LHX4: variants seen among roughly 807,000 people sequenced by gnomAD.
LHX4 encodes the protein LIM homeobox 4, also known as LIM/homeobox protein Lhx4.
Under a neutral mutation model 39.2 loss-of-function variants are expected in LHX4, and 16 were observed. The observed-to-expected ratio is 0.41, with a 90% CI of 0.28 to 0.62. The LOEUF is 0.62. Ranked by LOEUF, LHX4 falls within the 20% of genes least tolerant of loss-of-function variation. The probability of loss-of-function intolerance (pLI) is 0.33; values close to 1 mark genes in which losing one functional copy is unlikely to be tolerated. For synonymous variants in LHX4, 206 were observed against 198.1 expected, an observed-to-expected ratio of 1.04 and a Z score of -0.33; for missense variants, 439 against 511.9, an observed-to-expected ratio of 0.86 and a Z score of 1.37.
chr1:180,246,285 T>G (rs970902952), intron 1 of LHX4, among the ~76,000 whole-genome samples: 1 of 152,238 alleles, frequency 6.6e-6, no homozygotes, highest in Non-Finnish European at 1.5e-5. Context: ...TACAAACGTC[T>G]TAATAGTCAA....
At position 180,274,601 on chromosome 1, in the gene LHX4, C is replaced by T. The variant is rs752621836; in HGVS notation, c.*22C>T. The T allele has an allele frequency of 3.9e-6, 6 of 1,539,654 alleles. No homozygotes were observed. The highest frequency in any genetic ancestry group is 1.4e-5 in the African/African-American group (1 of 73,576). On this transcript the variant is annotated 3_prime_UTR_variant, in exon 6 of 6. Coordinates refer to ENST00000263726, the MANE Select transcript of LHX4 (RefSeq NM_033343.4). Reference sequence around the variant, plus strand: ...TTAAACTTCTCTCCTCCCCACCCTACCTGCCCCCCTGGCTTGAGAGAATAT... The same window carrying T: ...TTAAACTTCTCTCCTCCCCACCCTATCTGCCCCCCTGGCTTGAGAGAATAT...
rs946567999 is a variant in LHX4, at chr1:180,234,943, C to G, written c.76+4338C>G. 3.9e-5 allele frequency among the ~76,000 whole-genome samples: 6 copies of G among 152,202 alleles called. No individual in the cohort carries two copies. The highest frequency in any genetic ancestry group is 2.0e-4 in the Admixed American group (3 of 15,290). On this transcript the variant is annotated intron_variant, in intron 1 of 5. Transcript: ENST00000263726. This position sits in a 1 kb window ranked among gnomAD's most constrained non-coding sequence, Gnocchi z 4.8. ...CGGCCTGGGTGGCCCGGGGAACAGA[C>G]GATGAATTCTTTAAATGAGCGTTTG...
At chr1:180,240,361 A>T (rs1664419040) in intron 1 of LHX4, among the ~76,000 whole-genome samples, 1 of 152,190 alleles carries the variant, frequency 6.6e-6, no homozygotes, top group South Asian at 2.1e-4. Context: ...ACAAAGTTTT[A>T]AAAATATTTA....
intron 2 of LHX4, among the ~76,000 whole-genome samples, chr1:180,256,432 C>A (rs1371508901): frequency 6.6e-6 from 1 of 152,226 alleles, no homozygotes; most frequent in Non-Finnish European, 1.5e-5. Flanking sequence ...AGCTTCTCCA[C>A]AGGGCTGGTC....
At chr1:180,261,075 A>G (rs1016173561) in intron 2 of LHX4, among the ~76,000 whole-genome samples, 6 of 151,738 alleles carry the variant, frequency 4.0e-5, no homozygotes, top group Non-Finnish European at 5.9e-5. Flanking sequence ...CCTCATTTCA[A>G]CCCGGGACTT....
At chr1:180,233,806 C>A (rs1664236780) in intron 1 of LHX4, among the ~76,000 whole-genome samples, 1 of 152,096 alleles carries the variant, frequency 6.6e-6, no homozygotes, top group Non-Finnish European at 1.5e-5. Flanking sequence ...GAATGCAGGC[C>A]TGGGGGTCTC....
Position 180,271,379 on chromosome 1 carries a change from G to C in LHX4, c.452-1G>C. ...CAGTAAGCAGTGGTTTTTCCTTGCA[G>C]ATGACTCAGAGGCTGGAGCTAAGCG... is the stretch of plus-strand genomic sequence containing the variant. On this transcript the variant is annotated splice_acceptor_variant, in intron 3 of 5. Coordinates refer to ENST00000263726, the MANE Select transcript of LHX4 (RefSeq NM_033343.4). LOFTEE classifies it high-confidence loss of function. 1 of 1,614,202 alleles carries C rather than the reference G, an allele frequency of 6.2e-7. No individual in the cohort carries two copies. The highest frequency in any genetic ancestry group is 1.1e-5 in the South Asian group (1 of 91,082).
chr1:180,240,697 T>C (rs1430616842), intron 1 of LHX4, among the ~76,000 whole-genome samples: 1 of 152,194 alleles, frequency 6.6e-6, no homozygotes, highest in African/African-American at 2.4e-5. Flanking sequence ...GCATGATATT[T>C]ATTATCTCTC....
rs145500874 is a variant in LHX4, at chr1:180,271,406, C to A, written c.478C>A (p.Pro160Thr). 1 of 1,614,126 alleles carries A rather than the reference C, an allele frequency of 6.2e-7. No individual in the cohort carries two copies. The highest frequency in any genetic ancestry group is 2.2e-5 in the East Asian group (1 of 44,868). ...NDDSEAGAKR[P>T]RTTITAKQLE... ...TGACTCAGAGGCTGGAGCTAAGCGG[C>A]CCCGGACCACCATCACAGCCAAGCA... Residue 160 changes from proline to threonine, a missense_variant, in exon 4 of 6, where the codon CCC (proline) becomes ACC (threonine). Transcript: ENST00000263726.
upstream of LHX4, chr1:180,230,180 A>C: frequency 2.6e-6 from 1 of 382,354 alleles, no homozygotes; most frequent in South Asian, 2.4e-5. This position sits in a 1 kb window ranked among gnomAD's most constrained non-coding sequence, Gnocchi z 5.8. Flanking sequence ...CGCCCGGGTG[A>C]CCGCGGCCTC....
At chr1:180,252,813 C>A (rs927720851) in intron 2 of LHX4, among the ~76,000 whole-genome samples, 3 of 152,184 alleles carry the variant, frequency 2.0e-5, no homozygotes, top group Admixed American at 6.5e-5. Context: ...TAACTGGCAG[C>A]AGGGGGCGAT....
intron 1 of LHX4, among the ~76,000 whole-genome samples, chr1:180,237,825 T>C (rs1180623868): frequency 6.6e-6 from 1 of 152,202 alleles, no homozygotes; most frequent in Non-Finnish European, 1.5e-5. Context: ...AGTTTCTTGC[T>C]ATGAGGGAAA....
chr1:180,264,311 G>A (rs575737020), intron 2 of LHX4, among the ~76,000 whole-genome samples: 1 of 151,906 alleles, frequency 6.6e-6, no homozygotes, highest in African/African-American at 2.4e-5. Flanking sequence ...TAAATATACA[G>A]GCCTTTTGAA....
chr1:180,255,515 C>T (rs1647815742), intron 2 of LHX4, among the ~76,000 whole-genome samples: 1 of 152,244 alleles, frequency 6.6e-6, no homozygotes, highest in Non-Finnish European at 1.5e-5. Flanking sequence ...GTCTAATTTC[C>T]TCGCTAAGCA....
At chr1:180,273,053 C>T (rs554762359) in intron 5 of LHX4, 1 of 152,230 alleles carries the variant, frequency 6.6e-6, no homozygotes, top group South Asian at 2.1e-4. Context: ...ATGAGCTCCC[C>T]CCACCATGTT....
chr1:180,259,481 C>T (rs538516039), intron 2 of LHX4, among the ~76,000 whole-genome samples: 13 of 151,722 alleles, frequency 8.6e-5, no homozygotes, highest in Admixed American at 5.9e-4. Flanking sequence ...GCTGGGGCCC[C>T]GGGTGTGCGA....
chr1:180,248,094 T>A (rs970151522), intron 1 of LHX4, among the ~76,000 whole-genome samples, 191 bp from the exon 2 acceptor site: 10 of 152,212 alleles, frequency 6.6e-5, no homozygotes, highest in African/African-American at 2.4e-4. Flanking sequence ...TGGCTTTCAG[T>A]CCCCACTTGT....
In LHX4 at chr1:180,266,353, C is replaced by A. The variant is rs779102719; in HGVS notation, c.249-39C>A. ...AAGTTGGGGGAAGCCAGATCCCTTGCTCCCTGTGTGCCCTAATCCTTTCCT... is the reference window on the plus strand; with the variant it reads ...AAGTTGGGGGAAGCCAGATCCCTTGATCCCTGTGTGCCCTAATCCTTTCCT... On this transcript the variant is annotated intron_variant, in intron 2 of 5. Transcript: ENST00000263726. This position sits in a 1 kb window ranked among gnomAD's most constrained non-coding sequence, Gnocchi z 5.7. The A allele has an allele frequency of 1.9e-6, 3 of 1,607,458 alleles. No homozygotes were observed. The Admixed American group carries it at 5.0e-5, about 27-fold the overall frequency.
chr1:180,230,032 C>T (rs1664135240), upstream of LHX4, among the ~76,000 whole-genome samples: 1 of 151,002 alleles, frequency 6.6e-6, no homozygotes, highest in Non-Finnish European at 1.5e-5. The surrounding 1 kb of genome is among the most constrained non-coding windows in gnomAD (Gnocchi z 5.8). Flanking sequence ...TCCGCCCCGC[C>T]GGCCTCACTC....
Sources: allele counts gnomAD v4.1 joint callset (sites outside exome capture counted in the v4.1 genomes callset), GRCh38; gene constraint gnomAD v4.1.1; non-coding constraint Gnocchi (gnomAD v3.1); transcripts MANE v1.5; gene names NCBI Gene and HGNC (gene_info 2026-07-23, HGNC 2026-07-21).